Variants in PCDHA3 observed in about 807,000 individuals in gnomAD.
The protein encoded by PCDHA3 is protocadherin alpha 3.
In PCDHA3, 41 loss-of-function variants were observed where a neutral mutation model predicts 62.2. That is an observed-to-expected ratio of 0.66 (90% CI 0.51 to 0.86). The LOEUF (loss-of-function observed/expected upper bound fraction) is 0.86, where lower values mean the gene tolerates loss of function less well. Ranked by LOEUF, PCDHA3 falls within the 40% of genes least tolerant of loss-of-function variation. The probability of loss-of-function intolerance (pLI) is 0.00; values close to 1 mark genes in which losing one functional copy is unlikely to be tolerated. For synonymous variants in PCDHA3, 640 were observed against 555.4 expected (o/e 1.15, Z -2.14); for missense variants, 1,304 against 1,241.2 (o/e 1.05, Z -0.76).
At chr5:140,989,940 G>A (rs947716591) in intron 3 of PCDHA3, among the ~76,000 whole-genome samples, 9 of 152,062 alleles carry the variant, frequency 5.9e-5, no homozygotes, top group Admixed American at 1.3e-4. Flanking sequence ...GACATTCCAC[G>A]TTTTTCTCGG....
intron 1 of PCDHA3, chr5:140,806,900 G>T (rs1268254751): frequency 1.1e-5 from 5 of 453,804 alleles, no homozygotes; most frequent in South Asian, 3.3e-5. Context: ...CCTATTCTCC[G>T]AAACGACTGA....
chr5:140,961,263 T>A (rs782231630), intron 1 of PCDHA3, among the ~76,000 whole-genome samples: 1 of 152,218 alleles, frequency 6.6e-6, no homozygotes, highest in Non-Finnish European at 1.5e-5. Flanking sequence ...TCCAGGAAGC[T>A]TCTTTTTACC....
intron 1 of PCDHA3, among the ~76,000 whole-genome samples, chr5:140,944,240 T>C (rs374307364): frequency 2.1e-4 from 32 of 152,316 alleles, no homozygotes; most frequent in African/African-American, 7.5e-4. Flanking sequence ...CAGGCTGGAG[T>C]GCAGTGATGT....
intron 1 of PCDHA3, chr5:140,849,440 A>G: frequency 6.3e-7 from 1 of 1,584,040 alleles, no homozygotes; most frequent in Non-Finnish European, 8.6e-7. Flanking sequence ...AAAGTAGAGC[A>G]CACAAGATCC....
intron 1 of PCDHA3, chr5:140,968,672 G>A: frequency 6.2e-7 from 1 of 1,614,180 alleles, no homozygotes; most frequent in Non-Finnish European, 8.5e-7. Context: ...CTTTAAGGTA[G>A]AGCTGCACAC....
chr5:140,824,265 A>T lies in PCDHA3; in HGVS notation c.2394+20674A>T, dbSNP rs2150133778. The T allele has an allele frequency of 3.7e-5, 46 of 1,252,254 alleles. No individual in the cohort carries two copies. In the Admixed American group the frequency reaches 7.8e-4, roughly 21 times the overall value. The allele number at this position is 1,252,254 out of a possible 1,614,324, so 77.6% of individuals were successfully genotyped here. On this transcript the variant is annotated intron_variant, in intron 1 of 3. Transcript: ENST00000522353. ...TGGTACACAATTATTGCACTAATTC[A>T]TGTATTATATGCTTTTTATGAGGCT... is the stretch of plus-strand genomic sequence containing the variant.
In PCDHA3 at chr5:140,850,187, G is replaced by A. The variant is rs2150472147; in HGVS notation, c.2394+46596G>A. ...TGGACGAGAACGACAATGCGCCGGC[G>A]CTGCTGACACCTCGGATGAGGGGCA... On this transcript the variant is annotated intron_variant, in intron 1 of 3. Coordinates refer to ENST00000522353, the MANE Select transcript of PCDHA3 (RefSeq NM_018906.3). 27 of 1,593,150 alleles carry A rather than the reference G, an allele frequency of 1.7e-5. 2 individuals are homozygous for A. In the Admixed American group the frequency reaches 3.4e-4, roughly 20 times the overall value.
chr5:140,817,314 A>T (rs1766111486), intron 1 of PCDHA3: 1 of 152,198 alleles, frequency 6.6e-6, no homozygotes, highest in Admixed American at 6.5e-5. Context: ...GCCCCAGAAA[A>T]GTGCCCAGCT....
chr5:140,930,591 CAT>C (rs1554207939), intron 1 of PCDHA3: 1 of 152,406 alleles, frequency 6.6e-6, no homozygotes, highest in African/African-American at 2.4e-5. Flanking sequence ...TTTGACTTCT[CAT>C]AGAAATCCTA....
chr5:140,921,212 C>T lies in PCDHA3; in HGVS notation c.2395-57737C>T, dbSNP rs78827164. On this transcript the variant is annotated intron_variant, in intron 1 of 3. Coordinates refer to ENST00000522353, the MANE Select transcript of PCDHA3 (RefSeq NM_018906.3). ...ACAATAGATTGACAACGATAATTCA[C>T]GTCTTTTTTGCTAGATGATATTAAG... is the stretch of plus-strand genomic sequence containing the variant. Among the ~76,000 whole-genome samples the T allele has an allele frequency of 3.7e-3, 555 of 152,020 alleles. 3 individuals carry two copies. Among genetic ancestry groups the T allele is most frequent in the Non-Finnish European group, 5.8e-3 (395 of 67,980 alleles).
Position 140,808,284 on chromosome 5 carries a change from G to A in PCDHA3, c.2394+4693G>A, listed in dbSNP as rs138396244. On this transcript the variant is annotated intron_variant, in intron 1 of 3. Coordinates refer to ENST00000522353, the MANE Select transcript of PCDHA3 (RefSeq NM_018906.3). ...CCAATTAGAGAGGACGCTCCACTGG[G>A]TACAGTCATCGCCCTGATCAGCGTG... 3.1e-6 allele frequency: 5 copies of A among 1,614,138 alleles called. No individual in the cohort carries two copies. The African/African-American group carries it at 6.7e-5, about 22-fold the overall frequency.
chr5:140,965,672 A>G (rs1586083629), intron 1 of PCDHA3, among the ~76,000 whole-genome samples: 1 of 152,360 alleles, frequency 6.6e-6, no homozygotes, highest in South Asian at 2.1e-4. Context: ...TGATAAATGT[A>G]AAAGATTTGA....
chr5:140,929,613 C>A, intron 1 of PCDHA3: 6 of 406,162 alleles, frequency 1.5e-5, no homozygotes, highest in Non-Finnish European at 2.7e-5. Flanking sequence ...AATAAAATAC[C>A]AAAATATTTT....
intron 1 of PCDHA3, chr5:140,876,238 C>G (rs782170059): frequency 2.5e-6 from 4 of 1,613,896 alleles, no homozygotes; most frequent in Non-Finnish European, 3.4e-6. Context: ...TGAAAATGTC[C>G]AAAACGACAC....
At chr5:140,858,420 G>C in intron 1 of PCDHA3, 4 of 1,558,504 alleles carry the variant, frequency 2.6e-6, no homozygotes, top group South Asian at 1.1e-5. Context: ...TCTATTGGAG[G>C]GGACCACTCT....
chr5:140,883,319 A>C, intron 1 of PCDHA3: 1 of 1,614,126 alleles, frequency 6.2e-7, no homozygotes, highest in Non-Finnish European at 8.5e-7. Context: ...CCCAGAGGTT[A>C]CCATCACTTC....
chr5:140,850,941 T>A lies in PCDHA3; in HGVS notation c.2394+47350T>A. The A allele has an allele frequency of 2.0e-6, 3 of 1,505,592 alleles. 1 individual carries two copies. 93.3% of individuals were successfully genotyped at this position (1,505,592 alleles called of 1,614,324 possible). On this transcript the variant is annotated intron_variant, in intron 1 of 3. Coordinates refer to ENST00000522353, the MANE Select transcript of PCDHA3 (RefSeq NM_018906.3). ...TTATATAATTTTTTTTCTTGAAAGATATTATCGATTACTCCCAGGGGCCGT... is the reference window on the plus strand; with the variant it reads ...TTATATAATTTTTTTTCTTGAAAGAAATTATCGATTACTCCCAGGGGCCGT...
intron 1 of PCDHA3, chr5:140,823,119 C>T: frequency 6.2e-7 from 1 of 1,614,054 alleles, no homozygotes; most frequent in Non-Finnish European, 8.5e-7. Flanking sequence ...CCGACGTGAA[C>T]GACAACGCTC....
rs369328632 is a variant in PCDHA3, at chr5:140,856,073, G to A, written c.2394+52482G>A. On this transcript the variant is annotated intron_variant, in intron 1 of 3. Transcript: ENST00000522353. ...GATGGTTTCCAGATGTAGCTGCCTG[G>A]GGGTCCAGTGTCTGCTGCTCTCGCT... The A allele has an allele frequency of 1.9e-6, 3 of 1,592,028 alleles. 1 individual carries two copies. Among genetic ancestry groups the A allele is most frequent in the Non-Finnish European group, 2.6e-6 (3 of 1,163,816 alleles).
Sources: allele counts gnomAD v4.1 joint callset (sites outside exome capture counted in the v4.1 genomes callset), GRCh38; gene constraint gnomAD v4.1.1; transcripts MANE v1.5; gene names NCBI Gene and HGNC (gene_info 2026-07-23, HGNC 2026-07-21).